The following AGMO variants were observed in gnomAD, a reference collection of about 807,000 sequenced individuals.
AGMO encodes the protein alkylglycerol monooxygenase.
AGMO carries 75 observed loss-of-function variants against 60.2 expected under a neutral mutation model. The observed-to-expected ratio is 1.25, with a 90% CI of 1.03 to 1.51. AGMO has a LOEUF of 1.51. Among genes scored for constraint, AGMO ranks in the 40% most tolerant of loss-of-function variants. The probability of loss-of-function intolerance (pLI) is 0.00; values close to 1 mark genes in which losing one functional copy is unlikely to be tolerated. For synonymous variants in AGMO, 261 were observed against 177.1 expected (o/e 1.47, Z -3.76); for missense variants, 763 against 525.5 (o/e 1.45, Z -4.42).
At chr7:15,255,216 G>A (rs1203637246) in intron 12 of AGMO, among the ~76,000 whole-genome samples, 1 of 152,100 alleles carries the variant, frequency 6.6e-6, no homozygotes, top group Non-Finnish European at 1.5e-5. Context: ...CCGGGGAGGG[G>A]AGGGAGGTTA....
intron 12 of AGMO, among the ~76,000 whole-genome samples, chr7:15,274,184 C>A (rs533680413): frequency 6.6e-6 from 1 of 152,216 alleles, no homozygotes; most frequent in South Asian, 2.1e-4. Context: ...TGAGAGAGGG[C>A]GTCCCTGTCT....
chr7:15,518,082 G>C (rs1783870765), intron 3 of AGMO, among the ~76,000 whole-genome samples: 1 of 152,158 alleles, frequency 6.6e-6, no homozygotes, highest in Admixed American at 6.5e-5. Context: ...ACCGCAGCTT[G>C]GCAAAGCCAC....
At chr7:15,356,075 T>C (rs1782519691) in intron 12 of AGMO, among the ~76,000 whole-genome samples, 1 of 152,186 alleles carries the variant, frequency 6.6e-6, no homozygotes, top group Non-Finnish European at 1.5e-5. Context: ...AATCTGACAA[T>C]TACAACTTCG....
the AGMO span, among the ~76,000 whole-genome samples, chr7:15,155,419 CTTTTTTTTTTTTTTT>C: frequency 4.7e-5 from 3 of 63,912 alleles, no homozygotes; most frequent in Admixed American, 2.5e-4. Flanking sequence ...TACAGAATTT[CTTTTTTTTTTTTTTT>C]TTTTTTTTTT....
chr7:15,340,144 AATTC>A (rs1487294016), intron 12 of AGMO, among the ~76,000 whole-genome samples: 1 of 152,196 alleles, frequency 6.6e-6, no homozygotes, highest in East Asian at 1.9e-4. Flanking sequence ...CTAAACTCAA[AATTC>A]ATTTATGCTA....
rs551923036 is a variant in AGMO at position 15,364,528 on chromosome 7, C to A, written c.1263+986G>T. The stretch of plus-strand genomic sequence containing the variant: ...TTTCAAATAGTCCTCCATTCATGGC[C>A]TTTAAGTTGTTGCTAATCTTACGTC... On this transcript the variant is annotated intron_variant, in intron 12 of 12. Coordinates refer to ENST00000342526, the MANE Select transcript of AGMO (RefSeq NM_001004320.2). Among the ~76,000 whole-genome samples, 3 of 152,030 alleles carry A rather than the reference C, an allele frequency of 2.0e-5. No homozygotes were observed. In the East Asian group the frequency reaches 5.8e-4, roughly 29 times the overall value.
intron 3 of AGMO, among the ~76,000 whole-genome samples, chr7:15,433,136 T>C (rs1304434611): frequency 6.6e-6 from 1 of 152,100 alleles, no homozygotes; most frequent in Non-Finnish European, 1.5e-5. Context: ...AAAAAATTCA[T>C]TCTAATGCAT....
chr7:15,372,011 T>G (rs1261717712), intron 10 of AGMO, among the ~76,000 whole-genome samples: 1 of 152,136 alleles, frequency 6.6e-6, no homozygotes, highest in East Asian at 1.9e-4. Flanking sequence ...AAAATGAGTT[T>G]AAAAGAAACT....
At chr7:15,303,681 A>G (rs4439006) in intron 12 of AGMO, among the ~76,000 whole-genome samples, 128,801 of 152,064 alleles carry the variant, frequency 0.85, 54,766 homozygotes, top group African/African-American at 0.93. Flanking sequence ...TGAAGGTGCT[A>G]AAAAGCAGAA....
At chr7:15,296,756 C>T (rs71538898) in intron 12 of AGMO, among the ~76,000 whole-genome samples, 4 of 152,126 alleles carry the variant, frequency 2.6e-5, no homozygotes, top group Non-Finnish European at 5.9e-5. Flanking sequence ...TACTTTATTT[C>T]ACTTTTCCAA....
At chr7:15,225,875 T>C (rs2128498113) in intron 12 of AGMO, among the ~76,000 whole-genome samples, 2 of 152,108 alleles carry the variant, frequency 1.3e-5, no homozygotes, top group South Asian at 4.1e-4. Flanking sequence ...TGTGGCTGTT[T>C]TTGACATTTT....
At chr7:15,292,302 C>G (rs1784286519) in intron 12 of AGMO, among the ~76,000 whole-genome samples, 1 of 152,080 alleles carries the variant, frequency 6.6e-6, no homozygotes, top group African/African-American at 2.4e-5. Flanking sequence ...AGGGGTGAAA[C>G]CAAGGCATTT....
intron 12 of AGMO, among the ~76,000 whole-genome samples, chr7:15,354,506 A>ACG (rs1210926252): frequency 3.9e-4 from 20 of 51,020 alleles, no homozygotes; most frequent in Non-Finnish European, 5.2e-4. Context: ...GTATATATAT[A>ACG]TATATATATA....
chr7:15,284,332 G>T (rs571511703), intron 12 of AGMO, among the ~76,000 whole-genome samples: 2 of 152,012 alleles, frequency 1.3e-5, no homozygotes, highest in African/African-American at 4.8e-5. Context: ...TAGACCATTA[G>T]CTAGATTAAT....
At chr7:15,207,608 T>C (rs1781471843) in intron 12 of AGMO, among the ~76,000 whole-genome samples, 1 of 152,218 alleles carries the variant, frequency 6.6e-6, no homozygotes, top group Non-Finnish European at 1.5e-5. Flanking sequence ...TAGTTTAACT[T>C]TGTCAAAAGG....
chr7:15,534,087 A>G (rs1475772199), intron 3 of AGMO, among the ~76,000 whole-genome samples: 3 of 152,064 alleles, frequency 2.0e-5, no homozygotes, highest in Non-Finnish European at 2.9e-5. Flanking sequence ...GATTGTAAAA[A>G]AAAGAACAAA....
chr7:15,173,268 T>C, the AGMO span, among the ~76,000 whole-genome samples: 1 of 152,140 alleles, frequency 6.6e-6, no homozygotes, highest in Non-Finnish European at 1.5e-5. Context: ...CCCAAAGGCA[T>C]GCACATAAAC....
chr7:15,341,468 A>T (rs924330098), intron 12 of AGMO, among the ~76,000 whole-genome samples: 4 of 152,112 alleles, frequency 2.6e-5, no homozygotes, highest in African/African-American at 9.7e-5. Flanking sequence ...CCTAGACTTT[A>T]TTGTCCATAT....
At chr7:15,559,803 C>A (rs377015093) in intron 2 of AGMO, among the ~76,000 whole-genome samples, 115 of 151,970 alleles carry the variant, frequency 7.6e-4, no homozygotes, top group African/African-American at 2.7e-3. Context: ...TGGCTACACC[C>A]GAGACAGCTA....
Sources: gnomAD v4.1 joint callset for allele counts (sites outside exome capture counted in the v4.1 genomes callset) on GRCh38, gnomAD v4.1.1 for gene constraint, MANE v1.5 for transcripts, NCBI Gene and HGNC (gene_info 2026-07-23, HGNC 2026-07-21) for gene names.